Variants in TIAM1 observed in about 807,000 individuals in gnomAD.
TIAM1 encodes the protein TIAM Rac1 associated GEF 1.
A neutral mutation model predicts 163.5 loss-of-function variants in TIAM1; 65 were observed. The ratio of observed to expected loss-of-function variants is 0.40; its 90% confidence interval spans 0.33 to 0.49. TIAM1 has a LOEUF of 0.49. Among genes scored for constraint, TIAM1 ranks in the 20% least tolerant of loss-of-function variants. TIAM1 has a pLI of 0.77. For synonymous variants in TIAM1, 833 were observed against 810.1 expected, an observed-to-expected ratio of 1.03 and a Z score of -0.48; for missense variants, 1,789 against 2,044.7, an observed-to-expected ratio of 0.87 and a Z score of 2.41.
At chr21:31,128,409 T>C (rs2284469) in intron 25 of TIAM1, among the ~76,000 whole-genome samples, 100,459 of 152,090 alleles carry the variant, frequency 0.66, 34,638 homozygotes, top group African/African-American at 0.87. Context: ...ATTACAAAGA[T>C]GGCTTTGTCT....
chr21:31,222,676 C>CAAATATATAT (rs1310227960), intron 8 of TIAM1, among the ~76,000 whole-genome samples: 10 of 48,224 alleles, frequency 2.1e-4, no homozygotes, highest in African/African-American at 6.5e-4. Flanking sequence ...TGTACACATA[C>CAAATATATAT]ATATATATAT....
At chr21:31,199,907 C>T (rs1304887110) in intron 12 of TIAM1, among the ~76,000 whole-genome samples, 2 of 139,792 alleles carry the variant, frequency 1.4e-5, no homozygotes, top group Non-Finnish European at 3.1e-5. Context: ...TCGAACATCA[C>T]ATTAAAAAAA....
intron 2 of TIAM1, among the ~76,000 whole-genome samples, chr21:31,384,397 T>A (rs1398062859): frequency 1.1e-5 from 1 of 93,326 alleles, no homozygotes; most frequent in African/African-American, 4.9e-5. Flanking sequence ...AGACCCCATC[T>A]CTACAAAAAA....
intron 2 of TIAM1, among the ~76,000 whole-genome samples, chr21:31,385,876 T>TGTTAGTTAATATA (rs1555963507): frequency 1.1e-5 from 1 of 92,386 alleles, no homozygotes; most frequent in Admixed American, 1.0e-4. Flanking sequence ...ATATTAATTA[T>TGTTAGTTAATATA]ATTAGTTAAT....
At chr21:31,197,058 T>C (rs552270966) in intron 12 of TIAM1, among the ~76,000 whole-genome samples, 15 of 152,110 alleles carry the variant, frequency 9.9e-5, no homozygotes, top group African/African-American at 3.6e-4. Context: ...GACATAAAAA[T>C]GGCAACAATA....
chr21:31,247,031 T>TA (rs1286573059), intron 5 of TIAM1, among the ~76,000 whole-genome samples: 1 of 152,182 alleles, frequency 6.6e-6, no homozygotes, highest in Non-Finnish European at 1.5e-5. Context: ...TTTTGAAAGA[T>TA]AAAGTTTGCC....
intron 2 of TIAM1, among the ~76,000 whole-genome samples, chr21:31,426,569 C>A (rs535911227): frequency 6.6e-6 from 1 of 152,314 alleles, no homozygotes; most frequent in South Asian, 2.1e-4. Context: ...ACTCAGAAGT[C>A]AGTGGAATGT....
chr21:31,203,002 A>G lies in TIAM1; in HGVS notation c.2399T>C (p.Leu800Pro). Residue 800 changes from leucine (L) to proline (P), a missense_variant, in exon 12 of 28, where the codon CTG (leucine) becomes CCG (proline). This residue lies in a region of TIAM1 where 456 missense variants were observed against 586.6 expected (regional missense o/e 0.78). Coordinates refer to ENST00000541036, the MANE Select transcript of TIAM1 (RefSeq NM_001353694.2). ...GCGCAGGTAATGAGCAGAATGATCC[A>G]GTTGATGTGTCTGGGACAAAAAAGA... ...TLELICKTHQLDHSAHYLRLK... is the reference protein window; with the variant it reads ...TLELICKTHQPDHSAHYLRLK... 6.2e-7 allele frequency: 1 copy of G among 1,613,084 alleles called. No homozygotes were observed. Among genetic ancestry groups the G allele is most frequent in the Non-Finnish European group, 8.5e-7 (1 of 1,179,882 alleles).
intron 2 of TIAM1, among the ~76,000 whole-genome samples, chr21:31,437,516 A>AAAAAAAAAAAAAAAG (rs553022193): frequency 6.6e-6 from 1 of 150,894 alleles, no homozygotes; most frequent in African/African-American, 2.4e-5. Flanking sequence ...AAAAAAAAAA[A>AAAAAAAAAAAAAAAG]GCAACTACAT....
Position 31,549,691 on chromosome 21 carries a change from T to C in TIAM1, c.-422+9236A>G, listed in dbSNP as rs542947949. On this transcript the variant is annotated intron_variant, in intron 1 of 28. Coordinates refer to the TIAM1 transcript ENST00000286827. ...AAGTGTTGACAAAGATGTGGGAAAATTGGACTCTTTATGCACTGCTGGTGG... is the reference window on the plus strand; with the variant it reads ...AAGTGTTGACAAAGATGTGGGAAAACTGGACTCTTTATGCACTGCTGGTGG... Among the ~76,000 whole-genome samples, 115 of 152,222 alleles carry C rather than the reference T, an allele frequency of 7.6e-4. 1 individual carries two copies. Among genetic ancestry groups the C allele is most frequent in the African/African-American group, 2.6e-3 (107 of 41,532 alleles).
chr21:31,210,601 A>G lies in TIAM1; in HGVS notation c.2218-386T>C, dbSNP rs1416206874. On this transcript the variant is annotated intron_variant, in intron 10 of 27. Transcript: ENST00000541036. Reference sequence around the variant, plus strand: ...AAGAAAGAAAGAAAGAAAGAGAGAAAGAAGGAAGGAAGGGAGAAAGAAAGA... The same window carrying G: ...AAGAAAGAAAGAAAGAAAGAGAGAAGGAAGGAAGGAAGGGAGAAAGAAAGA... Among the ~76,000 whole-genome samples the G allele has an allele frequency of 1.4e-3, 162 of 113,976 alleles. 7 individuals are homozygous for G. Among genetic ancestry groups the G allele is most frequent in the African/African-American group, 6.7e-3 (148 of 22,168 alleles). The allele number at this position is 113,976 out of a possible 152,430, so 74.8% of individuals were successfully genotyped here.
chr21:31,488,912 T>C (rs999636064), intron 1 of TIAM1, among the ~76,000 whole-genome samples: 2 of 151,984 alleles, frequency 1.3e-5, no homozygotes, highest in African/African-American at 4.8e-5. Flanking sequence ...TAACAGCAGC[T>C]ATTCATAAGT....
chr21:31,425,250 A>G (rs982680296), intron 2 of TIAM1, among the ~76,000 whole-genome samples: 1 of 152,130 alleles, frequency 6.6e-6, no homozygotes, highest in Non-Finnish European at 1.5e-5. Flanking sequence ...CTGCTTGCTC[A>G]GACTTCACAA....
chr21:31,472,943 T>C (rs1354673635), intron 1 of TIAM1, among the ~76,000 whole-genome samples: 1 of 152,192 alleles, frequency 6.6e-6, no homozygotes, highest in Non-Finnish European at 1.5e-5. Context: ...CTGCAAGTCT[T>C]CGCACTCCAG....
chr21:31,179,407 AT>A (rs1297941392), intron 15 of TIAM1, among the ~76,000 whole-genome samples: 1 of 152,050 alleles, frequency 6.6e-6, no homozygotes, highest in Non-Finnish European at 1.5e-5. Flanking sequence ...AGATAAAGCA[AT>A]GAAAAAATGA....
chr21:31,146,827 C>T, intron 20 of TIAM1, 68 bp downstream of exon 20: 1 of 1,340,084 alleles, frequency 7.5e-7, no homozygotes. Flanking sequence ...CCCAAAAGCC[C>T]CCAACCACTG....
chr21:31,152,663 T>A lies in TIAM1; in HGVS notation c.3339A>T (p.Glu1113Asp), dbSNP rs2083436089. 2 of 1,614,066 alleles carry A rather than the reference T, an allele frequency of 1.2e-6. No individual in the cohort carries two copies. Among genetic ancestry groups the A allele is most frequent in the Non-Finnish European group, 1.7e-6 (2 of 1,180,040 alleles). ...EDGVRLVPDLEKLEKVDQFKK... is the reference protein window; with the variant it reads ...EDGVRLVPDLDKLEKVDQFKK... ...TAAATTGATCAACCTTCTCAAGCTTTTCCAAATCAGGTACCAGTCTCACTC... is the reference window on the plus strand; with the variant it reads ...TAAATTGATCAACCTTCTCAAGCTTATCCAAATCAGGTACCAGTCTCACTC... Residue 1113 changes from glutamate (E) to aspartate (D), a missense_variant, in exon 19 of 28, where the codon GAA (glutamate) becomes GAT (aspartate). By Grantham distance (45) the Glu-to-Asp change is conservative. This residue lies in a region of TIAM1 where 303 missense variants were observed against 321.3 expected (regional missense o/e 0.94). Transcript: ENST00000541036.
intron 1 of TIAM1, among the ~76,000 whole-genome samples, chr21:31,499,169 G>A (rs900005449): frequency 6.6e-6 from 1 of 152,140 alleles, no homozygotes; most frequent in Non-Finnish European, 1.5e-5. Context: ...GTCCAGTGGA[G>A]GGAGACAAAC....
chr21:31,225,735 T>G lies in TIAM1; in HGVS notation c.1800A>C (p.Ile600=). Reference sequence around the variant, plus strand: ...ACGGAAGAACGATTACCTGATCTAATATTGTTTTCTTTTTCTTTGAGTCAG... The same window carrying G: ...ACGGAAGAACGATTACCTGATCTAAGATTGTTTTCTTTTTCTTTGAGTCAG... ...SVTDSKKKKT[I]LDQIFVWEQN... is the part of the protein sequence containing the mutation. The change falls in exon 7 of 28, where the codon ATA becomes ATC. Residue 600 remains isoleucine (I), a synonymous_variant. Transcript: ENST00000541036. 6.2e-7 allele frequency: 1 copy of G among 1,611,142 alleles called. No homozygotes were observed. The highest frequency in any genetic ancestry group is 8.5e-7 in the Non-Finnish European group (1 of 1,179,642).
Sources: gnomAD v4.1 joint callset for allele counts (sites outside exome capture counted in the v4.1 genomes callset) on GRCh38, gnomAD v4.1.1 for gene constraint, gnomAD v4.1.1 regional missense constraint, MANE v1.5 for transcripts, NCBI Gene and HGNC (gene_info 2026-07-23, HGNC 2026-07-21) for gene names.